MTF1: variants seen among roughly 807,000 people sequenced by gnomAD.
MTF1 encodes metal regulatory transcription factor 1, also known as MRE-binding transcription factor.
Under a neutral mutation model 70.4 loss-of-function variants are expected in MTF1, and 22 were observed. The observed-to-expected ratio is 0.31, with a 90% CI of 0.22 to 0.45. The LOEUF (loss-of-function observed/expected upper bound fraction) is 0.45. Ranked by LOEUF, MTF1 falls within the 20% of genes least tolerant of loss-of-function variation. MTF1 has a pLI of 1.00. For missense variants in MTF1, 649 were observed against 922.0 expected (o/e 0.70, Z 3.83); for synonymous variants, 333 against 352.8 (o/e 0.94, Z 0.63).
intron 7 of MTF1, among the ~76,000 whole-genome samples, chr1:37,825,660 T>C (rs1640991385): frequency 6.6e-6 from 1 of 152,184 alleles, no homozygotes; most frequent in African/African-American, 2.4e-5. Context: ...TTTCCACTTC[T>C]GCCACCCCTG....
rs80096377 is a variant in MTF1, at chr1:37,823,626, G to A, written c.1171+84C>T. ...TTTATAGAAAGCTCACTTCATTTAC[G>A]CTAACTAGAATGATTCATTGTGCCT... On this transcript the variant is annotated intron_variant, in intron 8 of 10. Coordinates refer to ENST00000373036, the MANE Select transcript of MTF1 (RefSeq NM_005955.3). 6.6e-4 allele frequency: 692 copies of A among 1,046,566 alleles called. 5 individuals are homozygous for A. The East Asian group carries it at 0.015, about 23-fold the overall frequency. The allele number at this position is 1,046,566 out of a possible 1,614,324, so 64.8% of individuals were successfully genotyped here.
intron 9 of MTF1, among the ~76,000 whole-genome samples, chr1:37,819,646 A>G (rs865966066): frequency 2.6e-5 from 4 of 151,864 alleles, no homozygotes; most frequent in Middle Eastern, 6.9e-3. Context: ...GTTATAGCAG[A>G]TGACACTATA....
In MTF1 at chr1:37,838,702, T is replaced by G. The variant is rs548181131; in HGVS notation, c.702A>C (p.Glu234Asp). 24 of 1,610,926 alleles carry G rather than the reference T, an allele frequency of 1.5e-5. No individual in the cohort carries two copies. Among genetic ancestry groups the G allele is most frequent in the Non-Finnish European group, 2.0e-5 (24 of 1,178,006 alleles). Reference sequence around the variant, plus strand: ...GTGTGGTGAAGTATTTGCTGCAGCCTTCAGATTCACAGTTAAACGTTTTCC... The same window carrying G: ...GTGTGGTGAAGTATTTGCTGCAGCCGTCAGATTCACAGTTAAACGTTTTCC... ...HTGKTFNCESEGCSKYFTTLS... is the reference protein window; with the variant it reads ...HTGKTFNCESDGCSKYFTTLS... The change falls in exon 4 of 11, where the codon GAA becomes GAC. Residue 234 changes from glutamate (E) to aspartate (D), a missense_variant. This residue lies in a region of MTF1 where 118 missense variants were observed against 287.2 expected (regional missense o/e 0.41). Transcript: ENST00000373036.
chr1:37,815,988 C>G lies in MTF1; in HGVS notation c.1832-422G>C, dbSNP rs549713719. On this transcript the variant is annotated intron_variant, in intron 10 of 10. Coordinates refer to ENST00000373036, the MANE Select transcript of MTF1 (RefSeq NM_005955.3). This position sits in a 1 kb window ranked among gnomAD's most constrained non-coding sequence, Gnocchi z 4.5. ...ATCTTTCAAGACCTAGCTCACTCCC[C>G]CACTCTCTGTAGGCCTATGCAGAGG... 2.6e-5 allele frequency among the ~76,000 whole-genome samples: 4 copies of G among 152,198 alleles called. No individual in the cohort carries two copies. The highest frequency in any genetic ancestry group is 2.1e-4 in the South Asian group (1 of 4,818).
chr1:37,830,939 G>A (rs1452099153), intron 7 of MTF1, among the ~76,000 whole-genome samples: 2 of 152,164 alleles, frequency 1.3e-5, no homozygotes, highest in Admixed American at 6.5e-5. Flanking sequence ...CACTTTCCAG[G>A]TGCTGTGGCC....
intron 9 of MTF1, among the ~76,000 whole-genome samples, chr1:37,820,147 T>G (rs1226709229): frequency 1.3e-5 from 2 of 152,226 alleles, no homozygotes; most frequent in African/African-American, 4.8e-5. Flanking sequence ...GAAATGGACA[T>G]AGGCTCTCTA....
At chr1:37,826,511 C>T in intron 7 of MTF1, 1 of 443,212 alleles carries the variant, frequency 2.3e-6, no homozygotes, top group Non-Finnish European at 4.5e-6. Flanking sequence ...GTCTTGAACT[C>T]CTGGCCTCAA....
Position 37,815,048 on chromosome 1 carries a change from C to T in MTF1, c.*88G>A. 1.8e-6 allele frequency: 2 copies of T among 1,089,762 alleles called. No individual in the cohort carries two copies. The highest frequency in any genetic ancestry group is 2.7e-6 in the Non-Finnish European group (2 of 753,850). The allele number at this position is 1,089,762 out of a possible 1,614,324, so 67.5% of individuals were successfully genotyped here. ...ATTTCAAACAGTAGATTTCTTCATC[C>T]TTCAAATTTCTGACCCATGATGGCA... On this transcript the variant is annotated 3_prime_UTR_variant, in exon 11 of 11. Coordinates refer to ENST00000373036, the MANE Select transcript of MTF1 (RefSeq NM_005955.3). This position sits in a 1 kb window ranked among gnomAD's most constrained non-coding sequence, Gnocchi z 4.5.
At position 37,811,346 on chromosome 1, in the gene MTF1, T is replaced by G. The variant is rs552300665; in HGVS notation, c.*3790A>C. The G allele has an allele frequency of 6.5e-6, 1 of 152,820 alleles. No homozygotes were observed. Among genetic ancestry groups the G allele is most frequent in the African/African-American group, 2.4e-5 (1 of 41,598 alleles). 9.5% of individuals were successfully genotyped at this position (152,820 alleles called of 1,614,324 possible). A position where few individuals can be genotyped will look rare whatever the true frequency, so the allele number is the denominator to read the frequency against. On this transcript the variant is annotated 3_prime_UTR_variant, in exon 11 of 11. Transcript: ENST00000373036. The stretch of plus-strand genomic sequence containing the variant: ...GACAGTCTCACAGCACAGGGCTGAT[T>G]GAGCGGAAAAACGCTGCCAGGCCAG...
chr1:37,846,460 T>C (rs1227803719), intron 2 of MTF1, among the ~76,000 whole-genome samples: 1 of 151,640 alleles, frequency 6.6e-6, no homozygotes, highest in East Asian at 1.9e-4. Flanking sequence ...TTAATCTTCC[T>C]GAGTGGCCTC....
intron 8 of MTF1, 129 bp from the exon 9 acceptor site, chr1:37,822,845 C>A (rs1640939637): frequency 3.1e-6 from 2 of 637,758 alleles, no homozygotes; most frequent in Admixed American, 5.9e-5. Context: ...AGCTAGCAGG[C>A]CAGCTTTCTG....
In MTF1 at chr1:37,810,893, G is replaced by C. The variant is rs1360441413; in HGVS notation, c.*4243C>G. On this transcript the variant is annotated 3_prime_UTR_variant, in exon 11 of 11. Coordinates refer to ENST00000373036, the MANE Select transcript of MTF1 (RefSeq NM_005955.3). ...TTAAGGAACCAACACAGGTAGTATG[G>C]GGAGCAGTATGGAAATGGCTCATGT... 6.6e-6 allele frequency: 1 copy of C among 152,332 alleles called. No homozygotes were observed. The highest frequency in any genetic ancestry group is 1.5e-5 in the Non-Finnish European group (1 of 68,032). The allele number at this position is 152,332 out of a possible 1,614,324, so 9.4% of individuals were successfully genotyped here. A position where few individuals can be genotyped will look rare whatever the true frequency, so the allele number is the denominator to read the frequency against.
At chr1:37,829,763 C>T (rs185168352) in intron 7 of MTF1, among the ~76,000 whole-genome samples, 4 of 149,326 alleles carry the variant, frequency 2.7e-5, no homozygotes, top group African/African-American at 7.4e-5. Flanking sequence ...CCAGCCTGGG[C>T]GACAGAGCGA....
rs971111497 is a variant in MTF1, at chr1:37,859,571, C to T, written c.-92G>A. The T allele has an allele frequency of 1.3e-5, 5 of 399,064 alleles. No homozygotes were observed. The highest frequency in any genetic ancestry group is 2.2e-5 in the Non-Finnish European group (5 of 226,416). The allele number at this position is 399,064 out of a possible 1,614,324, so 24.7% of individuals were successfully genotyped here. A position where few individuals can be genotyped will look rare whatever the true frequency, so the allele number is the denominator to read the frequency against. On this transcript the variant is annotated 5_prime_UTR_variant, in exon 1 of 11. Coordinates refer to ENST00000373036, the MANE Select transcript of MTF1 (RefSeq NM_005955.3). ...CAACGGCGGCAGCAGCAGCTTCTCC[C>T]CTCCCCAGCGGCACCATGATTGCCC... is the stretch of plus-strand genomic sequence containing the variant.
At chr1:37,858,863 TG>T (rs1641545541) in intron 1 of MTF1, among the ~76,000 whole-genome samples, 1 of 152,216 alleles carries the variant, frequency 6.6e-6, no homozygotes, top group Non-Finnish European at 1.5e-5. Context: ...GCTCTACAAA[TG>T]TGGGTTTGGC....
rs1641241288 is a variant in MTF1, at chr1:37,840,626, C to T, written c.409-468G>A. The T allele has an allele frequency of 2.6e-6, 1 of 386,716 alleles. No individual in the cohort carries two copies. Among genetic ancestry groups the T allele is most frequent in the Non-Finnish European group, 5.1e-6 (1 of 195,930 alleles). 24.0% of individuals were successfully genotyped at this position (386,716 alleles called of 1,614,324 possible). ...CAAACATATTTCCCTAGATTGTTTC[C>T]ACTGCATATTTTCAAGCCTACAAAA... On this transcript the variant is annotated intron_variant, in intron 2 of 10. Coordinates refer to ENST00000373036, the MANE Select transcript of MTF1 (RefSeq NM_005955.3). This position sits in a 1 kb window ranked among gnomAD's most constrained non-coding sequence, Gnocchi z 4.5.
In MTF1 at chr1:37,845,541, T is replaced by C. The variant is rs189401131; in HGVS notation, c.409-5383A>G. 3.5e-3 allele frequency among the ~76,000 whole-genome samples: 527 copies of C among 152,290 alleles called. 5 individuals carry two copies. Among genetic ancestry groups the C allele is most frequent in the Middle Eastern group, 0.031 (9 of 294 alleles). On this transcript the variant is annotated intron_variant, in intron 2 of 10. Coordinates refer to ENST00000373036, the MANE Select transcript of MTF1 (RefSeq NM_005955.3). ...TGACTGATTGAATAGATGGAGTTTC[T>C]CTCTGTCACCTAGGCTGAATGCAGT...
chr1:37,838,496 G>A, intron 4 of MTF1, 129 bp downstream of exon 4: 2 of 679,416 alleles, frequency 2.9e-6, no homozygotes, highest in South Asian at 2.2e-5. Flanking sequence ...AGCTGTCCTG[G>A]GGTGAGCTAA....
At chr1:37,828,173 T>TAAA (rs554470681) in intron 7 of MTF1, 161 of 316,320 alleles carry the variant, frequency 5.1e-4, no homozygotes, top group South Asian at 7.3e-4. Context: ...ATAAAAGCAT[T>TAAA]AAAAAAAAAA....
Sources: gnomAD v4.1 joint callset for allele counts (sites outside exome capture counted in the v4.1 genomes callset) on GRCh38, gnomAD v4.1.1 for gene constraint, gnomAD v4.1.1 regional missense constraint, Gnocchi (gnomAD v3.1) non-coding constraint, MANE v1.5 for transcripts, NCBI Gene and HGNC (gene_info 2026-07-23, HGNC 2026-07-21) for gene names.